GTPBP4: variants seen among roughly 807,000 people sequenced by gnomAD.
GTPBP4 encodes GTP binding protein 4.
In GTPBP4, 15 loss-of-function variants were observed where a neutral mutation model predicts 81.7. That is an observed-to-expected ratio of 0.18 (90% CI 0.12 to 0.28). GTPBP4 has a LOEUF of 0.28. GTPBP4 is among the 10% of genes least tolerant of loss of function. The pLI is 1.00. For missense variants in GTPBP4, 847 were observed against 793.8 expected (o/e 1.07, Z -0.81); for synonymous variants, 272 against 274.6 (o/e 0.99, Z 0.09).
At chr10:1,011,505 A>G (rs368036004) in intron 13 of GTPBP4, among the ~76,000 whole-genome samples, 19 of 150,364 alleles carry the variant, frequency 1.3e-4, no homozygotes, top group African/African-American at 4.5e-4. Context: ...TTTTTATACA[A>G]TACTTGCTGT....
intron 1 of GTPBP4, among the ~76,000 whole-genome samples, chr10:990,302 A>G (rs1371076858): frequency 6.6e-6 from 1 of 152,168 alleles, no homozygotes; most frequent in African/African-American, 2.4e-5. Context: ...AAAAAATCAC[A>G]TCGGGAAAGT....
chr10:999,480 CCAT>C (rs1831586676), intron 6 of GTPBP4, among the ~76,000 whole-genome samples: 2 of 152,180 alleles, frequency 1.3e-5, no homozygotes, highest in African/African-American at 4.8e-5. Context: ...TGAAATTTCT[CCAT>C]CATCATAAAG....
intron 10 of GTPBP4, chr10:1,008,151 G>A (rs573101402): frequency 1.7e-4 from 78 of 454,268 alleles, no homozygotes; most frequent in Middle Eastern, 1.4e-3. Flanking sequence ...AGTGGCTCAC[G>A]TCTGTAATCC....
At chr10:1,006,256 A>G (rs1249513528) in intron 9 of GTPBP4, among the ~76,000 whole-genome samples, 1 of 152,274 alleles carries the variant, frequency 6.6e-6, no homozygotes, top group Admixed American at 6.5e-5. Flanking sequence ...TCTGAAAAGC[A>G]GAACAGCTTT....
intron 9 of GTPBP4, among the ~76,000 whole-genome samples, chr10:1,006,752 G>A (rs1232807687): frequency 2.6e-5 from 4 of 152,240 alleles, no homozygotes; most frequent in African/African-American, 7.2e-5. Context: ...GTCCTGAGGG[G>A]CAACATTGCC....
At chr10:996,357 T>C in intron 4 of GTPBP4, 115 bp downstream of exon 4, 1 of 834,768 alleles carries the variant, frequency 1.2e-6, no homozygotes. Flanking sequence ...GGGTCAGTTA[T>C]TCTTCCTAGC....
rs773896046 is a variant in GTPBP4 at position 1,014,308 on chromosome 10, A to G, written c.1604A>G (p.Asp535Gly). ...CTTGGTGTTGACATGGACGATAAAG[A>G]CGATGTGAGTGTGGGGGCGGTTCAT... is the stretch of plus-strand genomic sequence containing the variant. ...RSLGVDMDDK[D>G]DAHYAVQARR... Residue 535 changes from aspartate to glycine, a missense_variant, in exon 15 of 17, where the codon GAC (aspartate) becomes GGC (glycine). Coordinates refer to ENST00000360803, the MANE Select transcript of GTPBP4 (RefSeq NM_012341.3). 3 of 1,605,186 alleles carry G rather than the reference A, an allele frequency of 1.9e-6. No individual in the cohort carries two copies. The highest frequency in any genetic ancestry group is 1.7e-4 in the Middle Eastern group (1 of 6,044).
intron 1 of GTPBP4, among the ~76,000 whole-genome samples, chr10:989,961 T>C (rs922034162): frequency 6.6e-6 from 1 of 152,180 alleles, no homozygotes; most frequent in Non-Finnish European, 1.5e-5. Flanking sequence ...GGTCTTGAAC[T>C]CCTAATCTCA....
chr10:997,586 A>C (rs774908385), intron 5 of GTPBP4, among the ~76,000 whole-genome samples: 10 of 152,274 alleles, frequency 6.6e-5, no homozygotes, highest in Non-Finnish European at 1.3e-4. Flanking sequence ...TTACTATTAC[A>C]GAAGCCATTA....
rs775228386 is a variant in GTPBP4, at chr10:1,014,236, A to G, written c.1543-11A>G. 9.7e-6 allele frequency: 15 copies of G among 1,550,746 alleles called. No individual in the cohort carries two copies. The highest frequency in any genetic ancestry group is 3.6e-6 in the Non-Finnish European group (4 of 1,122,756). On this transcript the variant is annotated splice_polypyrimidine_tract_variant and intron_variant, in intron 14 of 16. Coordinates refer to ENST00000360803, the MANE Select transcript of GTPBP4 (RefSeq NM_012341.3). ...TAATTTAAAGCTAATATTTCTTTTT[A>G]TCCTTCTCAGGTTCAGAGGACAGTT...
intron 2 of GTPBP4, among the ~76,000 whole-genome samples, chr10:993,053 C>A (rs1001566381): frequency 1.3e-5 from 2 of 151,120 alleles, no homozygotes; most frequent in African/African-American, 4.9e-5. Flanking sequence ...TTTTTTTTTT[C>A]CTCTGGGCTC....
rs757925173 is a variant in GTPBP4, at chr10:1,014,204, A to G, written c.1543-43A>G. The G allele has an allele frequency of 4.5e-5, 58 of 1,275,148 alleles. 1 individual carries two copies. The South Asian group carries it at 6.6e-4, about 14-fold the overall frequency. 79.0% of individuals were successfully genotyped at this position (1,275,148 alleles called of 1,614,324 possible). A position where few individuals can be genotyped will look rare whatever the true frequency, so the allele number is the denominator to read the frequency against. ...GCCTTGAAGTTTTTTTCAACATTTCATCAAACTAATTTAAAGCTAATATTT... is the reference window on the plus strand; with the variant it reads ...GCCTTGAAGTTTTTTTCAACATTTCGTCAAACTAATTTAAAGCTAATATTT... On this transcript the variant is annotated intron_variant, in intron 14 of 16. Transcript: ENST00000360803.
At chr10:1,006,745 C>T (rs1008037667) in intron 9 of GTPBP4, among the ~76,000 whole-genome samples, 6 of 152,176 alleles carry the variant, frequency 3.9e-5, no homozygotes, top group Admixed American at 3.3e-4. Flanking sequence ...GGTTAGAGTC[C>T]TGAGGGGCAA....
In GTPBP4 at chr10:997,218, T is replaced by C; in HGVS notation, c.471T>C (p.His157=). Residue 157 remains histidine (H), a synonymous_variant, in exon 5 of 17, where the codon CAT becomes CAC. Coordinates refer to ENST00000360803, the MANE Select transcript of GTPBP4 (RefSeq NM_012341.3). ...SLEYLEQVRQ[H]LSRLPTIDPN... ...TTGAACTTTTCCTAGTGCGTCAGCA[T>C]TTATCCCGTTTGCCAACCATTGATC... is the stretch of plus-strand genomic sequence containing the variant. 3 of 1,586,266 alleles carry C rather than the reference T, an allele frequency of 1.9e-6. No individual in the cohort carries two copies. Among genetic ancestry groups the C allele is most frequent in the Non-Finnish European group, 2.6e-6 (3 of 1,154,718 alleles).
In GTPBP4 at chr10:1,019,684, A is replaced by G. The variant is rs1033551955; in HGVS notation, c.*2457A>G. ...TCCCACAGCTCCTCCTGGGACAGGTAGAGGATGCTTTTCGTTTCACTGGGA... is the reference window on the plus strand; with the variant it reads ...TCCCACAGCTCCTCCTGGGACAGGTGGAGGATGCTTTTCGTTTCACTGGGA... On this transcript the variant is annotated 3_prime_UTR_variant, in exon 17 of 17. Coordinates refer to ENST00000360803, the MANE Select transcript of GTPBP4 (RefSeq NM_012341.3). 8.7e-6 allele frequency: 14 copies of G among 1,613,938 alleles called. No individual in the cohort carries two copies. Among genetic ancestry groups the G allele is most frequent in the Non-Finnish European group, 1.0e-5 (12 of 1,180,018 alleles).
intron 2 of GTPBP4, among the ~76,000 whole-genome samples, chr10:995,421 T>C (rs1306196106): frequency 3.3e-5 from 5 of 152,024 alleles, no homozygotes; most frequent in African/African-American, 1.2e-4. Flanking sequence ...GTAGGCTGTT[T>C]AGATGGAGTG....
intron 5 of GTPBP4, 62 bp from the exon 6 acceptor site, chr10:998,941 A>G: frequency 1.1e-6 from 1 of 913,042 alleles, no homozygotes; most frequent in Non-Finnish European, 1.8e-6. Context: ...TTGTTAAAAC[A>G]CACAGATCCC....
In GTPBP4 at chr10:1,009,446, A is replaced by T. The variant is rs1010807055; in HGVS notation, c.1192-83A>T. 3.3e-6 allele frequency: 3 copies of T among 917,628 alleles called. No homozygotes were observed. The African/African-American group carries it at 4.9e-5, about 15-fold the overall frequency. The allele number at this position is 917,628 out of a possible 1,614,324, so 56.8% of individuals were successfully genotyped here. A position where few individuals can be genotyped will look rare whatever the true frequency, so the allele number is the denominator to read the frequency against. Reference sequence around the variant, plus strand: ...TGATACTGAGAGGATTGGAGAAAAGATTGTTTCAAGTGACAAGGGGCAGAG... The same window carrying T: ...TGATACTGAGAGGATTGGAGAAAAGTTTGTTTCAAGTGACAAGGGGCAGAG... On this transcript the variant is annotated intron_variant, in intron 11 of 16. Coordinates refer to ENST00000360803, the MANE Select transcript of GTPBP4 (RefSeq NM_012341.3).
chr10:1,003,408 A>G (rs1831673298), intron 8 of GTPBP4, among the ~76,000 whole-genome samples: 1 of 152,096 alleles, frequency 6.6e-6, no homozygotes, highest in East Asian at 1.9e-4. Context: ...TTTCCTTTTC[A>G]TTAGAGTCTG....
Sources: allele counts gnomAD v4.1 joint callset (sites outside exome capture counted in the v4.1 genomes callset), GRCh38; gene constraint gnomAD v4.1.1; transcripts MANE v1.5; gene names NCBI Gene and HGNC (gene_info 2026-07-23, HGNC 2026-07-21).